The following POLG2 variants were observed in gnomAD, a reference collection of about 807,000 sequenced individuals.
POLG2 encodes DNA polymerase gamma 2, accessory subunit, also known as DNA polymerase subunit gamma-2.
In POLG2, 50 loss-of-function variants were observed where a neutral mutation model predicts 56.5. The observed-to-expected ratio is 0.88, with a 90% CI of 0.71 to 1.12. The LOEUF is 1.12. Ranked by LOEUF, POLG2 falls within the 50% of genes most tolerant of loss-of-function variation. The pLI, the probability that POLG2 is intolerant of heterozygous loss-of-function variation, is 0.00. For synonymous variants in POLG2, 226 were observed against 222.6 expected, an observed-to-expected ratio of 1.02 and a Z score of -0.14; for missense variants, 584 against 583.3, an observed-to-expected ratio of 1.00 and a Z score of -0.01.
chr17:64,490,594 A>G (rs2038040751), intron 4 of POLG2: 1 of 582,636 alleles, frequency 1.7e-6, no homozygotes, highest in Non-Finnish European at 3.1e-6. Context: ...TTCAATTTGT[A>G]GGGCTCTGTG....
At chr17:64,483,081 T>C in intron 5 of POLG2, 82 bp from the exon 6 acceptor site, 1 of 716,966 alleles carries the variant, frequency 1.4e-6, no homozygotes, top group Non-Finnish European at 2.5e-6. Flanking sequence ...AGTTTAAATA[T>C]AACACAAGTA....
At chr17:64,493,120 C>A in intron 1 of POLG2, 99 bp from the exon 2 acceptor site, 1 of 1,303,588 alleles carries the variant, frequency 7.7e-7, no homozygotes, top group East Asian at 2.3e-5. Context: ...GTTAACACAG[C>A]ATAAAGACAG....
chr17:64,482,591 T>C (rs1282551483), intron 6 of POLG2, among the ~76,000 whole-genome samples: 6 of 152,348 alleles, frequency 3.9e-5, no homozygotes, highest in African/African-American at 1.4e-4. Flanking sequence ...GTGCTGGGAT[T>C]ACAGGCGTGA....
At chr17:64,488,739 GT>G (rs1276499562) in intron 4 of POLG2, among the ~76,000 whole-genome samples, 2 of 152,116 alleles carry the variant, frequency 1.3e-5, no homozygotes, top group Non-Finnish European at 2.9e-5. Context: ...AAGCCTTCTA[GT>G]TTTTCATTAG....
At chr17:64,490,003 C>T (rs1053475359) in intron 4 of POLG2, among the ~76,000 whole-genome samples, 1 of 151,944 alleles carries the variant, frequency 6.6e-6, no homozygotes, top group East Asian at 1.9e-4. Context: ...TGGCTCATCG[C>T]AACCTCCACC....
intron 4 of POLG2, 92 bp downstream of exon 4, chr17:64,490,704 G>T: frequency 1.1e-6 from 1 of 946,414 alleles, no homozygotes; most frequent in South Asian, 1.3e-5. Context: ...GAAGTGTTAA[G>T]ACACCACGTT....
Position 64,492,722 on chromosome 17 carries a change from G to C in POLG2, c.740C>G (p.Thr247Ser), listed in dbSNP as rs868923049. The C allele has an allele frequency of 6.2e-7, 1 of 1,613,428 alleles. No individual in the cohort carries two copies. Among genetic ancestry groups the C allele is most frequent in the African/African-American group, 1.3e-5 (1 of 75,002 alleles). The change falls in exon 3 of 8, where the codon ACT becomes AGT. Residue 247 changes from threonine (T) to serine (S), a missense_variant. Physicochemically the swap from Thr to Ser is moderately conservative, Grantham distance 58. Transcript: ENST00000539111. ...ASLVWFTPPRTSNQWLDFWLR... is the reference protein window; with the variant it reads ...ASLVWFTPPRSSNQWLDFWLR... ...CCAGAAATCAAGCCACTGGTTTGAAGTTCTCGGAGGAGTAAACCATACTAA... is the reference window on the plus strand; with the variant it reads ...CCAGAAATCAAGCCACTGGTTTGAACTTCTCGGAGGAGTAAACCATACTAA...
chr17:64,494,939 C>T (rs1160048743), intron 1 of POLG2, among the ~76,000 whole-genome samples: 1 of 151,990 alleles, frequency 6.6e-6, no homozygotes, highest in Admixed American at 6.6e-5. Context: ...TTTGGGAGGC[C>T]GAGGCGGGCG....
In POLG2 at chr17:64,477,965, A is replaced by G. The variant is rs1415525231; in HGVS notation, c.1316T>C (p.Phe439Ser). ...YSKYDEMSIL[F>S]TVLVTETTLE... is the part of the protein sequence containing the mutation. ...AGTAGTTTCAGTAACCAAAACTGTG[A>G]AGAGAATACTCATTTCATCATACCT... is the stretch of plus-strand genomic sequence containing the variant. Residue 439 changes from phenylalanine (F) to serine (S), a missense_variant, in exon 8 of 8, where the codon TTC becomes TCC. Phe to Ser is a radical substitution (Grantham distance 155). Coordinates refer to ENST00000539111, the MANE Select transcript of POLG2 (RefSeq NM_007215.4). The G allele has an allele frequency of 1.2e-6, 2 of 1,613,954 alleles. No homozygotes were observed. Among genetic ancestry groups the G allele is most frequent in the Non-Finnish European group, 1.7e-6 (2 of 1,179,936 alleles).
In POLG2 at chr17:64,494,640, T is replaced by C. The variant is rs571795585; in HGVS notation, c.563-1619A>G. ...TTGATTAATACTATTGACTCTTAGA[T>C]TTTAGTCAATGTGTTATGATCCATT... On this transcript the variant is annotated intron_variant, in intron 1 of 7. Coordinates refer to ENST00000539111, the MANE Select transcript of POLG2 (RefSeq NM_007215.4). 5.3e-5 allele frequency among the ~76,000 whole-genome samples: 8 copies of C among 152,306 alleles called. No individual in the cohort carries two copies. In the East Asian group the frequency reaches 1.5e-3, roughly 29 times the overall value.
In POLG2 at chr17:64,485,885, A is replaced by G. The variant is rs1555667386; in HGVS notation, c.970-17T>C. 3 of 1,613,534 alleles carry G rather than the reference A, an allele frequency of 1.9e-6. No individual in the cohort carries two copies. In the South Asian group the frequency reaches 3.3e-5, roughly 18 times the overall value. Reference sequence around the variant, plus strand: ...ATCTCGGCCCTTCACAGAAAAACAGAAGAAAAATAATCATTTCACAGAACT... The same window carrying G: ...ATCTCGGCCCTTCACAGAAAAACAGGAGAAAAATAATCATTTCACAGAACT... On this transcript the variant is annotated splice_polypyrimidine_tract_variant and intron_variant, in intron 4 of 7. Coordinates refer to ENST00000539111, the MANE Select transcript of POLG2 (RefSeq NM_007215.4).
chr17:64,491,446 G>T, intron 3 of POLG2: 1 of 860,984 alleles, frequency 1.2e-6, no homozygotes, highest in Non-Finnish European at 1.8e-6. Flanking sequence ...AATAAAAGAA[G>T]TTGCAGTGAG....
chr17:64,491,609 C>T, intron 3 of POLG2: 1 of 1,535,938 alleles, frequency 6.5e-7, no homozygotes, highest in South Asian at 1.1e-5. Context: ...TGTGGGACTT[C>T]AGCCCTAGTG....
intron 4 of POLG2, 130 bp downstream of exon 4, chr17:64,490,666 G>A: frequency 2.8e-6 from 2 of 721,768 alleles, no homozygotes; most frequent in South Asian, 3.0e-5. Flanking sequence ...ATGTAGGTGA[G>A]TGTCTCTGCA....
chr17:64,486,973 T>TA (rs1461803594), intron 4 of POLG2: 3 of 152,290 alleles, frequency 2.0e-5, no homozygotes, highest in East Asian at 3.9e-4. Flanking sequence ...AAGTTTTGGA[T>TA]AAAAACAGTT....
At position 64,496,849 on chromosome 17, in the gene POLG2, T is replaced by C; in HGVS notation, c.120A>G (p.Lys40=). The part of the protein sequence containing the change: ...PELLTERSSP[K]GGHVKSHAEL... ...CCGCGTGCGACTTCACATGCCCTCCTTTGGGGCTACTCCTTTCCGTCAACA... is the reference window on the plus strand; with the variant it reads ...CCGCGTGCGACTTCACATGCCCTCCCTTGGGGCTACTCCTTTCCGTCAACA... Residue 40 remains lysine, a synonymous_variant, in exon 1 of 8, where the codon AAA becomes AAG. Transcript: ENST00000539111. 1 of 1,613,826 alleles carries C rather than the reference T, an allele frequency of 6.2e-7. No homozygotes were observed. Among genetic ancestry groups the C allele is most frequent in the Non-Finnish European group, 8.5e-7 (1 of 1,180,022 alleles).
Position 64,496,659 on chromosome 17 carries a change from C to T in POLG2, c.310G>A (p.Val104Ile), listed in dbSNP as rs1555669587. Residue 104 changes from valine (V) to isoleucine (I), a missense_variant, in exon 1 of 8, where the codon GTA becomes ATA. Transcript: ENST00000539111. The part of the protein sequence containing the change: ...GCHPGFGPLG[V>I]ELRKNLAAEW... ...GCGGCCAGGTTCTTCCGCAACTCTACGCCCAAGGGTCCGAAGCCGGGGTGG... is the reference window on the plus strand; with the variant it reads ...GCGGCCAGGTTCTTCCGCAACTCTATGCCCAAGGGTCCGAAGCCGGGGTGG... The T allele has an allele frequency of 1.2e-6, 2 of 1,614,070 alleles. No homozygotes were observed. The highest frequency in any genetic ancestry group is 2.2e-5 in the East Asian group (1 of 44,866).
intron 6 of POLG2, chr17:64,481,418 G>C: frequency 1.0e-6 from 1 of 985,332 alleles, no homozygotes; most frequent in Non-Finnish European, 1.2e-6. Flanking sequence ...CAATCACCCA[G>C]ACAGAAATGA....
chr17:64,488,208 T>C (rs2037991646), intron 4 of POLG2, among the ~76,000 whole-genome samples: 2 of 149,546 alleles, frequency 1.3e-5, no homozygotes, highest in South Asian at 4.3e-4. Flanking sequence ...TATTAAATAA[T>C]TTTAAAAAAA....
Sources: allele counts gnomAD v4.1 joint callset (sites outside exome capture counted in the v4.1 genomes callset), GRCh38; gene constraint gnomAD v4.1.1; transcripts MANE v1.5; gene names NCBI Gene and HGNC (gene_info 2026-07-23, HGNC 2026-07-21).